RIT2: variants seen among roughly 807,000 people sequenced by gnomAD.
RIT2 encodes the protein Ras like without CAAX 2, also known as GTP-binding protein Rit2.
Under a neutral mutation model 23.7 loss-of-function variants are expected in RIT2, and 24 were observed. That is an observed-to-expected ratio of 1.01 (90% CI 0.73 to 1.43). The LOEUF (loss-of-function observed/expected upper bound fraction) is 1.43, where lower values mean the gene tolerates loss of function less well. RIT2 is among the 40% of genes most tolerant of loss of function. The pLI is 0.00. For missense variants in RIT2, 236 were observed against 266.9 expected, an observed-to-expected ratio of 0.88 and a Z score of 0.81; for synonymous variants, 107 against 91.1, an observed-to-expected ratio of 1.17 and a Z score of -0.99.
At chr18:42,962,378 GC>G (rs1455642486) in intron 3 of RIT2, among the ~76,000 whole-genome samples, 2 of 152,110 alleles carry the variant, frequency 1.3e-5, no homozygotes, top group Non-Finnish European at 2.9e-5. Context: ...GAGTGTATAA[GC>G]CCATTAAAAT....
intron 4 of RIT2, among the ~76,000 whole-genome samples, chr18:42,878,778 A>AT (rs1907811711): frequency 6.6e-6 from 1 of 151,812 alleles, no homozygotes; most frequent in Non-Finnish European, 1.5e-5. Flanking sequence ...TATGTTAGGC[A>AT]TTTTCTCTTG....
intron 4 of RIT2, among the ~76,000 whole-genome samples, chr18:42,774,598 T>C (rs190056203): frequency 6.6e-6 from 1 of 151,018 alleles, no homozygotes; most frequent in Non-Finnish European, 1.5e-5. Flanking sequence ...TTTTTGAACA[T>C]TATCAATCGT....
intron 4 of RIT2, among the ~76,000 whole-genome samples, chr18:42,802,028 A>G (rs1006634824): frequency 7.9e-5 from 12 of 152,148 alleles, no homozygotes; most frequent in African/African-American, 2.9e-4. Flanking sequence ...TTTTTATCTG[A>G]CTTATTAAAA....
chr18:43,011,119 G>C (rs9958208), intron 2 of RIT2, among the ~76,000 whole-genome samples: 38 of 151,902 alleles, frequency 2.5e-4, no homozygotes, highest in African/African-American at 9.2e-4. Context: ...AAATGACAAA[G>C]AGGAGTCAGC....
intron 4 of RIT2, among the ~76,000 whole-genome samples, chr18:42,803,183 A>G (rs1905589830): frequency 6.6e-6 from 1 of 152,254 alleles, no homozygotes; most frequent in South Asian, 2.1e-4. Flanking sequence ...GTAAATTCCA[A>G]TGACTTCATC....
chr18:42,854,007 G>A (rs1332355180), intron 4 of RIT2, among the ~76,000 whole-genome samples: 1 of 152,028 alleles, frequency 6.6e-6, no homozygotes, highest in African/African-American at 2.4e-5. Context: ...TCTTATTACT[G>A]GTAGCTTAGT....
At chr18:42,957,186 C>T (rs974048668) in intron 3 of RIT2, among the ~76,000 whole-genome samples, 1 of 152,114 alleles carries the variant, frequency 6.6e-6, no homozygotes, top group Non-Finnish European at 1.5e-5. Context: ...AACACACCCC[C>T]TTTTGGAAAT....
At chr18:43,114,259 T>C (rs1914017230) in intron 1 of RIT2, among the ~76,000 whole-genome samples, 1 of 152,162 alleles carries the variant, frequency 6.6e-6, no homozygotes, top group African/African-American at 2.4e-5. Flanking sequence ...AATTCTCTTT[T>C]GTAGGGTGAG....
chr18:42,894,061 GA>G (rs1908256172), intron 4 of RIT2, among the ~76,000 whole-genome samples: 2 of 152,318 alleles, frequency 1.3e-5, no homozygotes, highest in Admixed American at 1.3e-4. Flanking sequence ...GTCTATGTCA[GA>G]ACGCTGATGG....
intron 1 of RIT2, among the ~76,000 whole-genome samples, chr18:43,048,702 G>A (rs1912308288): frequency 1.3e-5 from 2 of 152,088 alleles, no homozygotes; most frequent in Admixed American, 6.6e-5. Context: ...CTTTTTCAAT[G>A]TTTCATCATG....
chr18:42,811,082 G>A (rs2143976471), intron 4 of RIT2, among the ~76,000 whole-genome samples: 1 of 152,134 alleles, frequency 6.6e-6, no homozygotes, highest in African/African-American at 2.4e-5. Context: ...GAAAGTTAGA[G>A]TAGATGACCT....
intron 2 of RIT2, among the ~76,000 whole-genome samples, chr18:43,030,513 T>C (rs1287652168): frequency 6.6e-6 from 1 of 152,106 alleles, no homozygotes; most frequent in African/African-American, 2.4e-5. Flanking sequence ...TTAGAATTTT[T>C]TATGCTAAAA....
intron 4 of RIT2, among the ~76,000 whole-genome samples, chr18:42,915,573 T>G (rs967589423): frequency 1.3e-5 from 2 of 151,970 alleles, no homozygotes; most frequent in Non-Finnish European, 2.9e-5. Context: ...AACCAAACAA[T>G]TCAGTGTAAG....
intron 2 of RIT2, among the ~76,000 whole-genome samples, chr18:43,008,633 A>G (rs1911278714): frequency 6.6e-6 from 1 of 151,566 alleles, no homozygotes; most frequent in Non-Finnish European, 1.5e-5. Context: ...TCATTTATTC[A>G]GACCATTTAT....
At chr18:42,758,680 A>ATTT (rs11371811) in intron 4 of RIT2, among the ~76,000 whole-genome samples, 3 of 139,874 alleles carry the variant, frequency 2.1e-5, no homozygotes, top group South Asian at 2.3e-4. Context: ...CACCCGGCTA[A>ATTT]TTTTTTTTTT....
intron 4 of RIT2, among the ~76,000 whole-genome samples, chr18:42,883,749 G>T (rs913292451): frequency 6.6e-6 from 1 of 152,088 alleles, no homozygotes; most frequent in Non-Finnish European, 1.5e-5. Context: ...ATTTATCAGA[G>T]TTCCTCTGTT....
At chr18:42,881,161 A>G (rs1907883994) in intron 4 of RIT2, among the ~76,000 whole-genome samples, 1 of 151,920 alleles carries the variant, frequency 6.6e-6, no homozygotes, top group Non-Finnish European at 1.5e-5. Context: ...ACACTTGTAA[A>G]CTCACTGTTA....
At chr18:42,800,208 T>C (rs983976659) in intron 4 of RIT2, among the ~76,000 whole-genome samples, 1 of 152,210 alleles carries the variant, frequency 6.6e-6, no homozygotes, top group African/African-American at 2.4e-5. Flanking sequence ...ATTTCTTTCT[T>C]ATGTTGCTTC....
At chr18:42,945,645 T>C (rs548251849) in intron 3 of RIT2, among the ~76,000 whole-genome samples, 8 of 152,286 alleles carry the variant, frequency 5.3e-5, no homozygotes, top group Non-Finnish European at 7.4e-5. Context: ...GTTACTAATG[T>C]CATCATTTTG....
Sources: allele counts gnomAD v4.1 joint callset (sites outside exome capture counted in the v4.1 genomes callset), GRCh38; gene constraint gnomAD v4.1.1; transcripts MANE v1.5; gene names NCBI Gene and HGNC (gene_info 2026-07-23, HGNC 2026-07-21).